Variants in BTBD3 observed in about 807,000 individuals in gnomAD.
The protein encoded by BTBD3 is BTB/POZ domain-containing protein 3.
A neutral mutation model predicts 41.6 loss-of-function variants in BTBD3; 14 were observed. The observed-to-expected ratio is 0.34, with a 90% CI of 0.22 to 0.53. The LOEUF is 0.53. Ranked by LOEUF, BTBD3 falls within the 20% of genes least tolerant of loss-of-function variation. The probability of loss-of-function intolerance (pLI) is 0.95; values close to 1 mark genes in which losing one functional copy is unlikely to be tolerated. For missense variants in BTBD3, 426 were observed against 654.7 expected, an observed-to-expected ratio of 0.65 and a Z score of 3.81; for synonymous variants, 249 against 233.7, an observed-to-expected ratio of 1.07 and a Z score of -0.60.
At chr20:11,892,840 C>G (rs986921600) in intron 1 of BTBD3, among the ~76,000 whole-genome samples, 2 of 152,088 alleles carry the variant, frequency 1.3e-5, no homozygotes, top group African/African-American at 4.8e-5. Flanking sequence ...AAATATAACT[C>G]CACATCTGTG....
At chr20:11,919,250 G>A in intron 2 of BTBD3, 74 bp downstream of exon 2, 10 of 1,443,780 alleles carry the variant, frequency 6.9e-6, no homozygotes, top group Non-Finnish European at 8.5e-6. Context: ...CCTGTAACTT[G>A]GTGTGGGCAG....
chr20:11,915,115 A>G (rs2056910216), upstream of BTBD3, among the ~76,000 whole-genome samples: 1 of 152,206 alleles, frequency 6.6e-6, no homozygotes, highest in African/African-American at 2.4e-5. Context: ...ACAATTGTGA[A>G]GTAGACCATT....
At chr20:11,917,386 C>A (rs1600243370), upstream of BTBD3, among the ~76,000 whole-genome samples, 1 of 152,124 alleles carries the variant, frequency 6.6e-6, no homozygotes, top group Non-Finnish European at 1.5e-5. Context: ...CCTCAGTTCT[C>A]TTCTTTAGCA....
intron 1 of BTBD3, among the ~76,000 whole-genome samples, chr20:11,912,655 A>G (rs887875763): frequency 2.6e-5 from 4 of 152,328 alleles, no homozygotes; most frequent in African/African-American, 4.8e-5. Context: ...TTTGGGCACA[A>G]TTGCTGCTAA....
At chr20:11,916,430 G>A (rs1396372992), upstream of BTBD3, among the ~76,000 whole-genome samples, 1 of 152,174 alleles carries the variant, frequency 6.6e-6, no homozygotes, top group Non-Finnish European at 1.5e-5. Flanking sequence ...TGTGTGTTCT[G>A]CTGTTGAGAA....
chr20:11,902,531 A>G (rs2056830138), intron 1 of BTBD3, among the ~76,000 whole-genome samples: 1 of 152,254 alleles, frequency 6.6e-6, no homozygotes, highest in African/African-American at 2.4e-5. Flanking sequence ...GAACCACCAG[A>G]GATCACATTT....
chr20:11,910,583 A>G (rs1008324177), intron 1 of BTBD3: 1 of 152,216 alleles, frequency 6.6e-6, no homozygotes, highest in African/African-American at 2.4e-5. Flanking sequence ...TAACATTTTA[A>G]TATGGATTCT....
At chr20:11,901,680 C>A (rs947710686) in intron 1 of BTBD3, among the ~76,000 whole-genome samples, 1 of 152,158 alleles carries the variant, frequency 6.6e-6, no homozygotes, top group Non-Finnish European at 1.5e-5. Flanking sequence ...ATGTCAGAAT[C>A]AGTTCTGAAC....
chr20:11,914,390 T>C (rs1201347395), upstream of BTBD3, among the ~76,000 whole-genome samples: 2 of 152,228 alleles, frequency 1.3e-5, no homozygotes, highest in Admixed American at 6.5e-5. Flanking sequence ...TAACATTTTA[T>C]TGTATTTTGG....
At position 11,922,845 on chromosome 20, in the gene BTBD3, G is replaced by C; in HGVS notation, c.748G>C (p.Ala250Pro). The C allele has an allele frequency of 3.1e-6, 5 of 1,614,242 alleles. No homozygotes were observed. Among genetic ancestry groups the C allele is most frequent in the Non-Finnish European group, 4.2e-6 (5 of 1,180,050 alleles). The change falls in exon 4 of 4, where the codon GCC becomes CCC. Residue 250 changes from alanine (A) to proline (P), a missense_variant. By Grantham distance (27) the Ala-to-Pro change is conservative. Coordinates refer to ENST00000378226, the MANE Select transcript of BTBD3 (RefSeq NM_014962.4). ...CCAGCGTTGCTGGGAGGTGATTGATGCCCAGGCTGAGTTAGCTCTCAAGTC... is the reference window on the plus strand; with the variant it reads ...CCAGCGTTGCTGGGAGGTGATTGATCCCCAGGCTGAGTTAGCTCTCAAGTC... The part of the protein sequence containing the change: ...LTQRCWEVID[A>P]QAELALKSEG...
At chr20:11,896,282 G>C (rs1433593664) in intron 1 of BTBD3, among the ~76,000 whole-genome samples, 1 of 152,048 alleles carries the variant, frequency 6.6e-6, no homozygotes, top group African/African-American at 2.4e-5. Context: ...CTTTGTGATG[G>C]GCTCTTCAAA....
chr20:11,910,512 T>G (rs959555714), intron 1 of BTBD3: 1 of 67,470 alleles, frequency 1.5e-5, no homozygotes, highest in African/African-American at 5.3e-5. Flanking sequence ...AAGTACCTAG[T>G]AGAAAGTCAT....
chr20:11,916,894 T>G (rs1464133278), upstream of BTBD3, among the ~76,000 whole-genome samples: 1 of 152,176 alleles, frequency 6.6e-6, no homozygotes, highest in Non-Finnish European at 1.5e-5. Flanking sequence ...TTGCCGGTGT[T>G]TTTGTTTTTT....
rs1284847189 is a variant in BTBD3, at chr20:11,925,827, CAT to C, written c.*2162_*2163del. 2 of 152,520 alleles carry C rather than the reference CAT, an allele frequency of 1.3e-5. No homozygotes were observed. 9.4% of individuals were successfully genotyped at this position (152,520 alleles called of 1,614,324 possible). On this transcript the variant is annotated 3_prime_UTR_variant, in exon 4 of 4. Transcript: ENST00000378226. ...TTCACTAACGCTCACTGTCAGTGCC[CAT>C]GTTTGCTAGCTGCCTCCATGTGACT... is the stretch of plus-strand genomic sequence containing the variant.
intron 3 of BTBD3, 58 bp downstream of exon 3, chr20:11,919,894 G>T: frequency 7.1e-7 from 1 of 1,414,144 alleles, no homozygotes; most frequent in Non-Finnish European, 1.0e-6. Context: ...GTACCCTGCT[G>T]GTTTCACAGT....
In BTBD3 at chr20:11,925,731, A is replaced by C. The variant is rs554708121; in HGVS notation, c.*2065A>C. ...AAGAAGGCACTTGTTTGTAAGCCAG[A>C]GAAGAAACTTTAATTGCATCCTATC... On this transcript the variant is annotated 3_prime_UTR_variant, in exon 4 of 4. Transcript: ENST00000378226. 6.5e-6 allele frequency: 1 copy of C among 152,750 alleles called. No individual in the cohort carries two copies. Among genetic ancestry groups the C allele is most frequent in the East Asian group, 1.9e-4 (1 of 5,178 alleles). The allele number at this position is 152,750 out of a possible 1,614,324, so 9.5% of individuals were successfully genotyped here.
intron 1 of BTBD3, among the ~76,000 whole-genome samples, chr20:11,894,687 G>GT (rs2056776159): frequency 6.7e-6 from 1 of 150,288 alleles, no homozygotes; most frequent in African/African-American, 2.4e-5. Flanking sequence ...ACTTTTTGGC[G>GT]TTTTTCAACC....
At chr20:11,906,189 T>C (rs1271579532) in intron 1 of BTBD3, among the ~76,000 whole-genome samples, 1 of 150,450 alleles carries the variant, frequency 6.6e-6, no homozygotes, top group Non-Finnish European at 1.5e-5. Flanking sequence ...GCAAGATACT[T>C]TCCAGTTTTG....
chr20:11,910,963 A>C (rs971071454), intron 1 of BTBD3, among the ~76,000 whole-genome samples: 1 of 152,232 alleles, frequency 6.6e-6, no homozygotes, highest in Non-Finnish European at 1.5e-5. Context: ...AAGCTCAATT[A>C]TTCTAATGTA....
Sources: gnomAD v4.1 joint callset for allele counts (sites outside exome capture counted in the v4.1 genomes callset) on GRCh38, gnomAD v4.1.1 for gene constraint, MANE v1.5 for transcripts, NCBI Gene and HGNC (gene_info 2026-07-23, HGNC 2026-07-21) for gene names.